The following ECE2 variants were observed in gnomAD, a reference collection of about 807,000 sequenced individuals.
The protein encoded by ECE2 is endothelin-converting enzyme 2.
ECE2 carries 81 observed loss-of-function variants against 100.6 expected under a neutral mutation model. The ratio of observed to expected loss-of-function variants is 0.81; its 90% CI spans 0.67 to 0.97. ECE2 has a LOEUF of 0.97. Among genes scored for constraint, ECE2 ranks in the 50% least tolerant of loss-of-function variants. The pLI is 0.00. For synonymous variants in ECE2, 391 were observed against 391.5 expected, an observed-to-expected ratio of 1.00 and a Z score of 0.02; for missense variants, 911 against 988.1, an observed-to-expected ratio of 0.92 and a Z score of 1.05.
chr3:184,288,047 A>C (rs1236771308), intron 11 of ECE2, 100 bp downstream of exon 11: 1 of 1,100,422 alleles, frequency 9.1e-7, no homozygotes, highest in African/African-American at 1.6e-5. Flanking sequence ...GCGGTGGCTC[A>C]CGCCGGTAAT....
Position 184,289,679 on chromosome 3 carries a change from T to C in ECE2, c.1512T>C (p.Phe504=). 1.9e-6 allele frequency: 3 copies of C among 1,613,682 alleles called. No individual in the cohort carries two copies. The highest frequency in any genetic ancestry group is 2.5e-6 in the Non-Finnish European group (3 of 1,179,856). The change falls in exon 13 of 19, where the codon TTT becomes TTC. Residue 504 remains phenylalanine (F), a synonymous_variant. Transcript: ENST00000404464. This position sits in a 1 kb window ranked among gnomAD's most constrained non-coding sequence, Gnocchi z 4.1. ...AIYDMIGFPD[F]ILEPKELDDV... ...ATGATATGATTGGTTTCCCAGACTT[T>C]ATCCTGGAGCCCAAAGAGCTGGATG...
chr3:184,282,873 G>T (rs1237524149), intron 7 of ECE2, among the ~76,000 whole-genome samples: 1 of 152,226 alleles, frequency 6.6e-6, no homozygotes, highest in Non-Finnish European at 1.5e-5. Context: ...TCTGATGTAT[G>T]TCTGCAGAAG....
rs1291558988 is a variant in ECE2 at position 184,284,978 on chromosome 3, A to G, written c.1021A>G (p.Met341Val). The change falls in exon 9 of 19, where the codon ATG (methionine) becomes GTG (valine). Residue 341 changes from methionine to valine, a missense_variant. Coordinates refer to ENST00000404464, the MANE Select transcript of ECE2 (RefSeq NM_001100121.2). Reference protein sequence around the residue: ...ISELQALAPSMDWLEFLSFLL... With the variant: ...ISELQALAPSVDWLEFLSFLL... The stretch of plus-strand genomic sequence containing the variant: ...TTTCTTTCAGGCTCTGGCGCCCTCC[A>G]TGGACTGGCTTGAGTTCCTGTCTTT... 3.1e-6 allele frequency: 5 copies of G among 1,614,008 alleles called. No homozygotes were observed. The highest frequency in any genetic ancestry group is 1.7e-5 in the Admixed American group (1 of 59,970).
chr3:184,290,628 G>C lies in ECE2; in HGVS notation c.1727G>C (p.Gly576Ala). The change falls in exon 15 of 19, where the codon GGC becomes GCC. Residue 576 changes from glycine (G) to alanine (A), a missense_variant. Gly to Ala is a moderately conservative substitution (Grantham distance 60). Coordinates refer to ENST00000404464, the MANE Select transcript of ECE2 (RefSeq NM_001100121.2). ...AAGAATGAGATCGTCTTCCCCGCTG[G>C]CATCCTGCAGGCCCCCTTCTATGCC... ...PTKNEIVFPAGILQAPFYARN... is the reference protein window; with the variant it reads ...PTKNEIVFPAAILQAPFYARN... 6.2e-7 allele frequency: 1 copy of C among 1,614,186 alleles called. No individual in the cohort carries two copies. Among genetic ancestry groups the C allele is most frequent in the East Asian group, 2.2e-5 (1 of 44,886 alleles).
Position 184,277,308 on chromosome 3 carries a change from T to G in ECE2, c.320T>G (p.Leu107Arg). ...EACIRVAGKI[L>R]ESLDRGVSPC... The stretch of plus-strand genomic sequence containing the variant: ...TGCATTCGAGTGGCTGGAAAAATCC[T>G]GGAGTCCCTGGACCGAGGGGTGAGC... The change falls in exon 4 of 19, where the codon CTG becomes CGG. Residue 107 changes from leucine (L) to arginine (R), a missense_variant. Leu to Arg is a moderately radical substitution (Grantham distance 102). Coordinates refer to ENST00000404464, the MANE Select transcript of ECE2 (RefSeq NM_001100121.2). The G allele has an allele frequency of 6.2e-7, 1 of 1,614,242 alleles. No individual in the cohort carries two copies. The highest frequency in any genetic ancestry group is 8.5e-7 in the Non-Finnish European group (1 of 1,180,046).
At chr3:184,276,326 TAGAG>T (rs913393993) in intron 1 of ECE2, 134 bp downstream of exon 1, 19 of 1,380,104 alleles carry the variant, frequency 1.4e-5, no homozygotes, top group Admixed American at 2.3e-5. Context: ...GGAGGGGTGA[TAGAG>T]AGACCCCGGG....
chr3:184,278,460 G>C, intron 6 of ECE2, 32 bp from the exon 7 acceptor site: 1 of 1,610,672 alleles, frequency 6.2e-7, no homozygotes, highest in Non-Finnish European at 8.5e-7. Context: ...TGGGGAAAGC[G>C]AGGGGCTCAC....
intron 8 of ECE2, among the ~76,000 whole-genome samples, chr3:184,284,721 T>A (rs1345316894): frequency 1.3e-5 from 2 of 152,106 alleles, no homozygotes; most frequent in East Asian, 3.9e-4. Context: ...TAGGAAAATA[T>A]TTGAATATCT....
chr3:184,279,835 A>G (rs183253756), intron 7 of ECE2, among the ~76,000 whole-genome samples: 35 of 152,218 alleles, frequency 2.3e-4, no homozygotes, highest in Non-Finnish European at 4.4e-4. Flanking sequence ...TAGCTCCCGG[A>G]GAGCCATTGC....
chr3:184,286,912 A>G (rs1301596448), intron 10 of ECE2, among the ~76,000 whole-genome samples: 1 of 151,282 alleles, frequency 6.6e-6, no homozygotes, highest in African/African-American at 2.4e-5. Context: ...TCAAGATGAT[A>G]GTGTTATAGG....
rs1413586402 is a variant in ECE2 at position 184,276,881 on chromosome 3, G to A, written c.127-11G>A. ...CATCTCAGTCACTCTCTGTCCCCCT[G>A]TGTTCCCCAGGTGGGATTCCAGAAG... On this transcript the variant is annotated splice_polypyrimidine_tract_variant and intron_variant, in intron 2 of 18. Transcript: ENST00000404464. 6.2e-7 allele frequency: 1 copy of A among 1,613,826 alleles called. No individual in the cohort carries two copies. The highest frequency in any genetic ancestry group is 1.1e-5 in the South Asian group (1 of 91,082).
chr3:184,286,169 C>T (rs988686393), intron 10 of ECE2, among the ~76,000 whole-genome samples: 6 of 151,898 alleles, frequency 4.0e-5, no homozygotes, highest in South Asian at 2.1e-4. Context: ...CCAAGAAAGC[C>T]GGGGAGAAGG....
intron 7 of ECE2, among the ~76,000 whole-genome samples, chr3:184,283,088 G>C (rs930529447): frequency 6.6e-6 from 1 of 152,110 alleles, no homozygotes; most frequent in African/African-American, 2.4e-5. Context: ...AGGGATCTAG[G>C]AAATGAGAAG....
Position 184,278,322 on chromosome 3 carries a change from C to T in ECE2, c.750+9C>T. ...ACAGCAATGTTATCCAGGTGATGAG[C>T]TGGGAAAGGGTGGGGAGAGACTTAG... On this transcript the variant is annotated intron_variant, in intron 6 of 18. Coordinates refer to ENST00000404464, the MANE Select transcript of ECE2 (RefSeq NM_001100121.2). 6 of 1,613,294 alleles carry T rather than the reference C, an allele frequency of 3.7e-6. No homozygotes were observed. The highest frequency in any genetic ancestry group is 4.2e-6 in the Non-Finnish European group (5 of 1,179,576).
rs576019040 is a variant in ECE2 at position 184,276,418 on chromosome 3, C to A, written c.40-63C>A. The A allele has an allele frequency of 1.9e-5, 30 of 1,553,874 alleles. No homozygotes were observed. In the African/African-American group the frequency reaches 3.8e-4, roughly 20 times the overall value. ...GTCCGCGAGGCAGGGAGCACTGGGG[C>A]AGGGTCGTGGGCAAATAGCCCTCTC... On this transcript the variant is annotated intron_variant, in intron 1 of 18. Coordinates refer to ENST00000404464, the MANE Select transcript of ECE2 (RefSeq NM_001100121.2).
rs1282987119 is a variant in ECE2, at chr3:184,285,499, C to A, written c.1170C>A (p.Ile390=). 6.2e-7 allele frequency: 1 copy of A among 1,614,140 alleles called. No individual in the cohort carries two copies. Among genetic ancestry groups the A allele is most frequent in the Admixed American group, 1.7e-5 (1 of 60,020 alleles). The change falls in exon 10 of 19, where the codon ATC becomes ATA. Residue 390 remains isoleucine (I), a synonymous_variant. Transcript: ENST00000404464. ...TEPSILNNYL[I]WNLVQKTTSS... is the part of the protein sequence containing the mutation. ...TCAGCATCCTGAACAATTACCTGAT[C>A]TGGAACCTGGTGCAAAAGACAACCT...
At chr3:184,281,458 T>C (rs983465243) in intron 7 of ECE2, among the ~76,000 whole-genome samples, 3 of 152,188 alleles carry the variant, frequency 2.0e-5, no homozygotes, top group African/African-American at 7.2e-5. Context: ...CACTGGCCAT[T>C]CTCAATGGAT....
At chr3:184,287,498 C>T (rs1228441927) in intron 10 of ECE2, among the ~76,000 whole-genome samples, 1 of 152,010 alleles carries the variant, frequency 6.6e-6, no homozygotes, top group Non-Finnish European at 1.5e-5. Flanking sequence ...TCAAGACCAG[C>T]CTGGGAAACA....
intron 11 of ECE2, 107 bp downstream of exon 11, chr3:184,288,054 T>G (rs1210367467): frequency 2.0e-6 from 2 of 1,004,268 alleles, no homozygotes; most frequent in African/African-American, 3.2e-5. Context: ...CTCACGCCGG[T>G]AATCCCAGCA....
Sources: gnomAD v4.1 joint callset for allele counts (sites outside exome capture counted in the v4.1 genomes callset) on GRCh38, gnomAD v4.1.1 for gene constraint, Gnocchi (gnomAD v3.1) non-coding constraint, MANE v1.5 for transcripts, NCBI Gene and HGNC (gene_info 2026-07-23, HGNC 2026-07-21) for gene names.